The following KIAA1614 variants were observed in gnomAD, a reference collection of about 807,000 sequenced individuals.
KIAA1614 encodes the protein KIAA1614.
KIAA1614 carries 76 observed loss-of-function variants against 88.7 expected under a neutral mutation model. That is an observed-to-expected ratio of 0.86 (90% CI 0.71 to 1.04). The LOEUF is 1.04. Among genes scored for constraint, KIAA1614 ranks in the 50% least tolerant of loss-of-function variants. KIAA1614 has a pLI of 0.00. For synonymous variants in KIAA1614, 714 were observed against 675.5 expected (o/e 1.06, Z -0.88); for missense variants, 1,553 against 1,582.5 (o/e 0.98, Z 0.32).
Position 180,916,370 on chromosome 1 carries a change from T to C in KIAA1614, c.267T>C (p.Ala89=), listed in dbSNP as rs1401506826. The part of the protein sequence containing the change: ...GPSVLESKVR[A]LKEKMTVAKQ... ...CTGTGCTGGAATCCAAGGTGAGGGC[T>C]TTGAAGGAGAAGATGACAGTGGCCA... The change falls in exon 2 of 9, where the codon GCT becomes GCC. Residue 89 remains alanine, a synonymous_variant. Coordinates refer to ENST00000367588, the MANE Select transcript of KIAA1614 (RefSeq NM_020950.2). 4 of 1,614,040 alleles carry C rather than the reference T, an allele frequency of 2.5e-6. No homozygotes were observed. The African/African-American group carries it at 5.3e-5, about 22-fold the overall frequency.
intron 3 of KIAA1614, among the ~76,000 whole-genome samples, chr1:180,923,896 A>G (rs1053395153): frequency 6.6e-6 from 1 of 151,434 alleles, no homozygotes; most frequent in Non-Finnish European, 1.5e-5. Context: ...ACCAACCCCC[A>G]GCTCCCATCC....
Position 180,947,949 on chromosome 1 carries a change from C to T in KIAA1614, c.*2361C>T, listed in dbSNP as rs892668865. The T allele has an allele frequency of 6.6e-6, 1 of 152,280 alleles. No individual in the cohort carries two copies. Among genetic ancestry groups the T allele is most frequent in the Non-Finnish European group, 1.5e-5 (1 of 68,090 alleles). 9.4% of individuals were successfully genotyped at this position (152,280 alleles called of 1,614,324 possible). ...CGATGTGAGTGCACACACAACAGGT[C>T]ATTGTACTCTGCCGCCCACCCTCCC... On this transcript the variant is annotated 3_prime_UTR_variant, in exon 9 of 9. Transcript: ENST00000367588.
intron 8 of KIAA1614, chr1:180,945,089 G>A (rs751502290): frequency 1.7e-5 from 9 of 534,218 alleles, no homozygotes; most frequent in Non-Finnish European, 1.6e-5. Flanking sequence ...GGGGTTTCTA[G>A]TTCCACAGCA....
intron 4 of KIAA1614, among the ~76,000 whole-genome samples, chr1:180,933,742 T>C (rs777784265): frequency 2.0e-4 from 31 of 152,270 alleles, no homozygotes; most frequent in Non-Finnish European, 3.4e-4. Flanking sequence ...CCAAAGTGGA[T>C]GACAGATGGA....
Position 180,950,630 on chromosome 1 carries a change from G to A in KIAA1614, c.*5042G>A, listed in dbSNP as rs115757166. 1.0e-3 allele frequency: 630 copies of A among 616,744 alleles called. 3 individuals carry two copies. In the African/African-American group the frequency reaches 0.012, roughly 11 times the overall value. The allele number at this position is 616,744 out of a possible 1,614,324, so 38.2% of individuals were successfully genotyped here. A position where few individuals can be genotyped will look rare whatever the true frequency, so the allele number is the denominator to read the frequency against. ...GTGCTGCACAGAGCTGCTCTGTGGC[G>A]GAAACAGATCCTGGCAGCATCTAAC... On this transcript the variant is annotated 3_prime_UTR_variant, in exon 9 of 9. Transcript: ENST00000367588.
chr1:180,922,913 C>A (rs1285573142), intron 3 of KIAA1614, among the ~76,000 whole-genome samples: 1 of 152,238 alleles, frequency 6.6e-6, no homozygotes, highest in East Asian at 1.9e-4. Flanking sequence ...CAGGTTGTGA[C>A]CTGCACTTCG....
At chr1:180,931,987 G>A (rs1654207444) in intron 4 of KIAA1614, among the ~76,000 whole-genome samples, 1 of 152,052 alleles carries the variant, frequency 6.6e-6, no homozygotes, top group Non-Finnish European at 1.5e-5. Flanking sequence ...CTGTTTCTCC[G>A]GATGGAGTCT....
At chr1:180,913,428 G>C in intron 1 of KIAA1614, 135 bp downstream of exon 1, 1 of 463,534 alleles carries the variant, frequency 2.2e-6, no homozygotes, top group Non-Finnish European at 3.5e-6. Flanking sequence ...AAGGGTCGTG[G>C]GGAGGCCCGC....
chr1:180,949,543 G>C lies in KIAA1614; in HGVS notation c.*3955G>C, dbSNP rs920741053. The C allele has an allele frequency of 3.9e-5, 6 of 152,298 alleles. No homozygotes were observed. Among genetic ancestry groups the C allele is most frequent in the African/African-American group, 1.4e-4 (6 of 41,470 alleles). 9.4% of individuals were successfully genotyped at this position (152,298 alleles called of 1,614,324 possible). A position where few individuals can be genotyped will look rare whatever the true frequency, so the allele number is the denominator to read the frequency against. On this transcript the variant is annotated 3_prime_UTR_variant, in exon 9 of 9. Transcript: ENST00000367588. ...CCCACAGGGCCTGCCCCACTGACGG[G>C]GGGCTCCCTGAGAGCCGGAGCCTGG... is the stretch of plus-strand genomic sequence containing the variant.
intron 3 of KIAA1614, among the ~76,000 whole-genome samples, chr1:180,921,699 C>T (rs762597932): frequency 5.9e-5 from 9 of 152,108 alleles, no homozygotes; most frequent in East Asian, 1.9e-4. Context: ...CCATGGGATA[C>T]GCTTATTTTT....
In KIAA1614 at chr1:180,916,639, A is replaced by T. The variant is rs1653811412; in HGVS notation, c.536A>T (p.Tyr179Phe). The change falls in exon 2 of 9, where the codon TAC (tyrosine) becomes TTC (phenylalanine). Residue 179 changes from tyrosine to phenylalanine, a missense_variant. Coordinates refer to ENST00000367588, the MANE Select transcript of KIAA1614 (RefSeq NM_020950.2). Reference protein sequence around the residue: ...LPRPPAPGREYCNRGSPWPPE... With the variant: ...LPRPPAPGREFCNRGSPWPPE... The stretch of plus-strand genomic sequence containing the variant: ...AGGCCGCCTGCCCCTGGACGTGAGT[A>T]CTGCAACAGGGGGAGCCCGTGGCCT... 1 of 1,601,816 alleles carries T rather than the reference A, an allele frequency of 6.2e-7. No individual in the cohort carries two copies. Among genetic ancestry groups the T allele is most frequent in the African/African-American group, 1.3e-5 (1 of 74,632 alleles).
rs1558074272 is a variant in KIAA1614 at position 180,945,826 on chromosome 1, C to T, written c.*238C>T. On this transcript the variant is annotated 3_prime_UTR_variant, in exon 9 of 9. Transcript: ENST00000367588. ...ACATCTTGAAATTAGAAGCTTAGGC[C>T]GGGCGCAGTGGCTCATGCCTGTAAT... The T allele has an allele frequency of 1.2e-5, 16 of 1,305,660 alleles. No homozygotes were observed. Among genetic ancestry groups the T allele is most frequent in the South Asian group, 2.2e-5 (1 of 45,572 alleles). The allele number at this position is 1,305,660 out of a possible 1,614,324, so 80.9% of individuals were successfully genotyped here.
At chr1:180,939,282 GA>G (rs1654401962) in intron 6 of KIAA1614, among the ~76,000 whole-genome samples, 1 of 152,210 alleles carries the variant, frequency 6.6e-6, no homozygotes, top group Non-Finnish European at 1.5e-5. Flanking sequence ...AGAGGCACCA[GA>G]GCCAGCTCTC....
In KIAA1614 at chr1:180,950,384, T is replaced by G; in HGVS notation, c.*4796T>G. ...GGCTGACATGAGCATGGCCAAGCTG[T>G]ACTCAGGGCTGCTGGGGGTGGGCGA... On this transcript the variant is annotated 3_prime_UTR_variant, in exon 9 of 9. Transcript: ENST00000367588. 1 of 1,237,978 alleles carries G rather than the reference T, an allele frequency of 8.1e-7. No homozygotes were observed. The highest frequency in any genetic ancestry group is 2.7e-5 in the Admixed American group (1 of 36,588). 76.7% of individuals were successfully genotyped at this position (1,237,978 alleles called of 1,614,324 possible). A position where few individuals can be genotyped will look rare whatever the true frequency, so the allele number is the denominator to read the frequency against.
At chr1:180,944,760 C>T (rs1040080340) in intron 8 of KIAA1614, 2 of 357,688 alleles carry the variant, frequency 5.6e-6, no homozygotes, top group East Asian at 1.1e-4. Context: ...TAGAGTTGGC[C>T]GGTTTGATTC....
intron 2 of KIAA1614, among the ~76,000 whole-genome samples, chr1:180,917,468 G>T (rs1653845617): frequency 1.6e-5 from 1 of 61,410 alleles, no homozygotes. Context: ...CCTCTGGTGG[G>T]GCAAGCAGAC....
In KIAA1614 at chr1:180,936,420, A is replaced by G. The variant is rs1480854166; in HGVS notation, c.2511A>G (p.Thr837=). 5.6e-6 allele frequency: 9 copies of G among 1,614,088 alleles called. No individual in the cohort carries two copies. The highest frequency in any genetic ancestry group is 6.8e-6 in the Non-Finnish European group (8 of 1,180,040). Residue 837 remains threonine (T), a synonymous_variant, in exon 5 of 9, where the codon ACA becomes ACG. Transcript: ENST00000367588. The part of the protein sequence containing the change: ...LAGLLRLGDQ[T]EPVGIPRPPS... ...GACTGCTCAGGCTGGGTGACCAGAC[A>G]GAGCCTGTGGGTATCCCTCGGCCTC...
Position 180,941,201 on chromosome 1 carries a change from C to T in KIAA1614, c.3075C>T (p.Arg1025=), listed in dbSNP as rs1654454582. Reference sequence around the variant, plus strand: ...CCCGGCCCAAGCTGGGCAAGTCCCGCAGCTACAGTGTGGAGCAGTTGCAGC... The same window carrying T: ...CCCGGCCCAAGCTGGGCAAGTCCCGTAGCTACAGTGTGGAGCAGTTGCAGC... ...QSSRPKLGKS[R]SYSVEQLQPA... is the part of the protein sequence containing the mutation. The change falls in exon 7 of 9, where the codon CGC becomes CGT. Residue 1025 remains arginine (R), a synonymous_variant. Coordinates refer to ENST00000367588, the MANE Select transcript of KIAA1614 (RefSeq NM_020950.2). 3 of 1,613,774 alleles carry T rather than the reference C, an allele frequency of 1.9e-6. No homozygotes were observed. Among genetic ancestry groups the T allele is most frequent in the Admixed American group, 1.7e-5 (1 of 60,000 alleles).
intron 7 of KIAA1614, among the ~76,000 whole-genome samples, chr1:180,943,049 TG>T (rs1654506839): frequency 6.6e-6 from 1 of 151,906 alleles, no homozygotes; most frequent in African/African-American, 2.4e-5. Context: ...TTTTTTAAGA[TG>T]GAGTCTCACT....
Sources: gnomAD v4.1 joint callset for allele counts (sites outside exome capture counted in the v4.1 genomes callset) on GRCh38, gnomAD v4.1.1 for gene constraint, MANE v1.5 for transcripts, NCBI Gene and HGNC (gene_info 2026-07-23, HGNC 2026-07-21) for gene names.